The following KIAA2012 variants were observed in gnomAD, a reference collection of about 807,000 sequenced individuals.
KIAA2012 encodes the protein uncharacterized protein KIAA2012.
A neutral mutation model predicts 150.6 loss-of-function variants in KIAA2012; 125 were observed. The observed-to-expected ratio is 0.83, with a 90% CI of 0.72 to 0.96. KIAA2012 has a LOEUF of 0.96. KIAA2012 is among the 40% of genes least tolerant of loss of function. The pLI is 0.00. For missense variants in KIAA2012, 1,219 were observed against 1,354.9 expected (o/e 0.90, Z 1.57); for synonymous variants, 462 against 504.7 (o/e 0.92, Z 1.13).
chr2:202,123,012 T>A (rs1478600997), intron 11 of KIAA2012, among the ~76,000 whole-genome samples: 1 of 152,058 alleles, frequency 6.6e-6, no homozygotes, highest in Non-Finnish European at 1.5e-5. Context: ...AAAAAATAGA[T>A]CCCCATGCCA....
In KIAA2012 at chr2:202,203,903, G is replaced by A. The variant is rs545365050; in HGVS notation, c.*21-1095G>A. Among the ~76,000 whole-genome samples, 6 of 151,936 alleles carry A rather than the reference G, an allele frequency of 3.9e-5. No individual in the cohort carries two copies. In the South Asian group the frequency reaches 8.3e-4, roughly 21 times the overall value. ...TTCTGCCTCAGCTTCCCGAGTAGCT[G>A]AGACTACAGGCCCCCGCCACCATGC... On this transcript the variant is annotated intron_variant, in intron 23 of 23. Coordinates refer to ENST00000498697, the MANE Select transcript of KIAA2012 (RefSeq NM_001277372.4).
At chr2:202,152,431 A>G (rs560726525) in intron 13 of KIAA2012, among the ~76,000 whole-genome samples, 1 of 152,308 alleles carries the variant, frequency 6.6e-6, no homozygotes, top group South Asian at 2.1e-4. Context: ...AAGGAGTTAA[A>G]GTAATTTCAG....
At chr2:202,201,098 A>C (rs764303235) in intron 22 of KIAA2012, among the ~76,000 whole-genome samples, 1 of 152,186 alleles carries the variant, frequency 6.6e-6, no homozygotes, top group Non-Finnish European at 1.5e-5. Flanking sequence ...AGTATGGCAC[A>C]GTATTACTCC....
chr2:202,139,810 T>A (rs1234592302), intron 13 of KIAA2012, among the ~76,000 whole-genome samples: 1 of 151,918 alleles, frequency 6.6e-6, no homozygotes, highest in East Asian at 1.9e-4. Flanking sequence ...AAGGAAAACA[T>A]AATATGGTGT....
chr2:202,132,737 G>A (rs372763874), intron 12 of KIAA2012, among the ~76,000 whole-genome samples: 1 of 52,702 alleles, frequency 1.9e-5, no homozygotes, highest in Non-Finnish European at 3.6e-5. Context: ...TAGTATATAT[G>A]TATATATATA....
At chr2:202,201,120 A>C (rs1384155364) in intron 22 of KIAA2012, among the ~76,000 whole-genome samples, 4 of 152,312 alleles carry the variant, frequency 2.6e-5, no homozygotes. Flanking sequence ...AATTAAAGGA[A>C]GATCCTTAGG....
chr2:202,080,304 A>G (rs1689419000), intron 2 of KIAA2012, among the ~76,000 whole-genome samples: 1 of 152,254 alleles, frequency 6.6e-6, no homozygotes. Context: ...TAGCATTTCT[A>G]TAATAAGCTA....
At chr2:202,133,742 C>T (rs1432211823) in intron 12 of KIAA2012, among the ~76,000 whole-genome samples, 1 of 152,146 alleles carries the variant, frequency 6.6e-6, no homozygotes, top group Non-Finnish European at 1.5e-5. Flanking sequence ...GTAGCATAAA[C>T]AGGATCTTAA....
Position 202,099,599 on chromosome 2 carries a change from C to G in KIAA2012, c.829-14C>G, listed in dbSNP as rs1488185281. ...ACAGCCTGTTTACAGGAATGTGTAT[C>G]TGTCGTTCCCTAGGACACGTCAATA... On this transcript the variant is annotated splice_polypyrimidine_tract_variant and intron_variant, in intron 5 of 23. Coordinates refer to ENST00000498697, the MANE Select transcript of KIAA2012 (RefSeq NM_001277372.4). The G allele has an allele frequency of 6.5e-7, 1 of 1,541,508 alleles. No homozygotes were observed. Among genetic ancestry groups the G allele is most frequent in the Non-Finnish European group, 8.8e-7 (1 of 1,141,800 alleles).
Position 202,202,501 on chromosome 2 carries a change from G to C in KIAA2012, c.3480G>C (p.Trp1160Cys). 4 of 399,150 alleles carry C rather than the reference G, an allele frequency of 1.0e-5. No individual in the cohort carries two copies. The highest frequency in any genetic ancestry group is 1.8e-5 in the Non-Finnish European group (4 of 226,174). The allele number at this position is 399,150 out of a possible 1,614,324, so 24.7% of individuals were successfully genotyped here. A position where few individuals can be genotyped will look rare whatever the true frequency, so the allele number is the denominator to read the frequency against. Reference protein sequence around the residue: ...ELHKEASGLQWTQNISRPWVY... With the variant: ...ELHKEASGLQCTQNISRPWVY... Reference sequence around the variant, plus strand: ...ATAAGGAAGCCAGTGGCCTGCAGTGGACACAGAACATTTCCAGACCATGGG... The same window carrying C: ...ATAAGGAAGCCAGTGGCCTGCAGTGCACACAGAACATTTCCAGACCATGGG... Residue 1160 changes from tryptophan (W) to cysteine (C), a missense_variant, in exon 23 of 24, where the codon TGG becomes TGC. Transcript: ENST00000498697.
At chr2:202,158,933 G>A (rs373313058) in intron 14 of KIAA2012, among the ~76,000 whole-genome samples, 6 of 152,184 alleles carry the variant, frequency 3.9e-5, no homozygotes, top group African/African-American at 1.2e-4. Context: ...CAGAACATCT[G>A]AAGAATGAGA....
chr2:202,176,411 G>A (rs1225392279), intron 15 of KIAA2012, among the ~76,000 whole-genome samples: 2 of 152,048 alleles, frequency 1.3e-5, no homozygotes, highest in Non-Finnish European at 2.9e-5. Flanking sequence ...TGGCCAGGCT[G>A]GTCTCAAATT....
intron 15 of KIAA2012, among the ~76,000 whole-genome samples, chr2:202,180,981 T>A (rs1692107028): frequency 6.6e-6 from 1 of 152,122 alleles, no homozygotes; most frequent in Non-Finnish European, 1.5e-5. Flanking sequence ...AATTAAAAAT[T>A]TTTTTTGAGA....
chr2:202,091,723 CAA>C (rs1322372114), intron 3 of KIAA2012, among the ~76,000 whole-genome samples: 1 of 152,204 alleles, frequency 6.6e-6, no homozygotes, highest in Non-Finnish European at 1.5e-5. Context: ...TTTTATTTGG[CAA>C]GCCTATTTGG....
chr2:202,165,570 A>G (rs1432553326), intron 15 of KIAA2012, among the ~76,000 whole-genome samples: 2 of 152,106 alleles, frequency 1.3e-5, no homozygotes, highest in African/African-American at 4.8e-5. Flanking sequence ...AAAAATACAA[A>G]ATTAGCTGGG....
intron 15 of KIAA2012, 91 bp downstream of exon 15, chr2:202,165,447 C>T (rs879869957): frequency 2.1e-5 from 26 of 1,240,210 alleles, no homozygotes; most frequent in Non-Finnish European, 2.9e-5. Flanking sequence ...GGAGGCCAGG[C>T]ACGGTGGCTC....
At chr2:202,196,176 C>CTTTTA (rs1692408715) in intron 21 of KIAA2012, among the ~76,000 whole-genome samples, 1 of 94,530 alleles carries the variant, frequency 1.1e-5, no homozygotes, top group Non-Finnish European at 2.1e-5. Flanking sequence ...AGTTTCTTTT[C>CTTTTA]TTTTCTTTTC....
chr2:202,091,470 C>T (rs1227490810), intron 3 of KIAA2012, among the ~76,000 whole-genome samples: 1 of 152,072 alleles, frequency 6.6e-6, no homozygotes, highest in African/African-American at 2.4e-5. Flanking sequence ...GGCTCTCCAG[C>T]GCAATCCATT....
At chr2:202,163,781 ATT>A (rs902559663) in intron 14 of KIAA2012, among the ~76,000 whole-genome samples, 2 of 106,386 alleles carry the variant, frequency 1.9e-5, no homozygotes, top group African/African-American at 6.6e-5. Flanking sequence ...TATTCAGGGA[ATT>A]TTTTTTTTTT....
Sources: allele counts gnomAD v4.1 joint callset (sites outside exome capture counted in the v4.1 genomes callset), GRCh38; gene constraint gnomAD v4.1.1; transcripts MANE v1.5; gene names NCBI Gene and HGNC (gene_info 2026-07-23, HGNC 2026-07-21).